Variants in LIPC observed in about 807,000 individuals in gnomAD.
LIPC encodes lipase C, hepatic type.
A neutral mutation model predicts 50.7 loss-of-function variants in LIPC; 44 were observed. The ratio of observed to expected loss-of-function variants is 0.87; its 90% CI spans 0.68 to 1.11. The LOEUF (loss-of-function observed/expected upper bound fraction) is 1.11. Ranked by LOEUF, LIPC falls within the 50% of genes most tolerant of loss-of-function variation. The probability of loss-of-function intolerance (pLI) is 0.00; values close to 1 mark genes in which losing one functional copy is unlikely to be tolerated. For missense variants in LIPC, 697 were observed against 648.2 expected, an observed-to-expected ratio of 1.08 and a Z score of -0.82; for synonymous variants, 271 against 256.4, an observed-to-expected ratio of 1.06 and a Z score of -0.54.
At chr15:58,441,786 T>G (rs1893516519) in intron 1 of LIPC, among the ~76,000 whole-genome samples, 1 of 152,222 alleles carries the variant, frequency 6.6e-6, no homozygotes, top group African/African-American at 2.4e-5. Flanking sequence ...GATGGGAAGA[T>G]GAAAACAGGG....
At chr15:58,542,672 A>C in intron 4 of LIPC, 21 bp downstream of exon 4, 84 of 1,499,986 alleles carry the variant, frequency 5.6e-5, no homozygotes, top group South Asian at 7.9e-5. Context: ...CTAATAACTC[A>C]CACACTGATC....
At chr15:58,558,266 T>C (rs1894027492) in intron 6 of LIPC, among the ~76,000 whole-genome samples, 1 of 151,208 alleles carries the variant, frequency 6.6e-6, no homozygotes, top group African/African-American at 2.4e-5. Context: ...AGAGACGGGG[T>C]TTCACCATGT....
intron 1 of LIPC, among the ~76,000 whole-genome samples, chr15:58,451,219 G>C (rs1266964425): frequency 6.6e-6 from 1 of 152,196 alleles, no homozygotes; most frequent in African/African-American, 2.4e-5. Context: ...AGGTAGAGCA[G>C]TGGGGTGGAG....
chr15:58,451,111 G>T (rs1171634315), intron 1 of LIPC, among the ~76,000 whole-genome samples: 13 of 152,172 alleles, frequency 8.5e-5, no homozygotes, highest in African/African-American at 2.7e-4. Context: ...GCAATCGGTT[G>T]GGATTCATTA....
intron 1 of LIPC, among the ~76,000 whole-genome samples, chr15:58,470,427 A>T (rs1274987811): frequency 2.6e-5 from 4 of 152,126 alleles, no homozygotes; most frequent in African/African-American, 9.7e-5. Context: ...TTTTTATAAA[A>T]TTTTAAATAA....
chr15:58,445,804 T>C (rs1410283436), intron 1 of LIPC, among the ~76,000 whole-genome samples: 3 of 152,344 alleles, frequency 2.0e-5, no homozygotes, highest in African/African-American at 7.2e-5. Flanking sequence ...TGGGCTGTTT[T>C]GAGGGTGAAA....
intron 1 of LIPC, among the ~76,000 whole-genome samples, chr15:58,512,134 G>A (rs1892348981): frequency 6.9e-6 from 1 of 145,278 alleles, no homozygotes; most frequent in Admixed American, 6.9e-5. Context: ...GTCTCAATCT[G>A]TTGCCCCAGG....
At chr15:58,490,467 C>A (rs1397750088) in intron 1 of LIPC, among the ~76,000 whole-genome samples, 3 of 152,200 alleles carry the variant, frequency 2.0e-5, no homozygotes, top group African/African-American at 2.4e-5. Flanking sequence ...ACATTTGGCC[C>A]TGCTGCTCCA....
chr15:58,566,055 C>G (rs1894355587), intron 8 of LIPC: 2 of 982,272 alleles, frequency 2.0e-6, no homozygotes, highest in Non-Finnish European at 2.4e-6. Flanking sequence ...TACAAAGCAT[C>G]TGGGAATCAT....
chr15:58,477,656 A>C (rs1263591303), intron 1 of LIPC, among the ~76,000 whole-genome samples: 2 of 152,168 alleles, frequency 1.3e-5, no homozygotes, highest in East Asian at 1.9e-4. Context: ...TCTGTCCTCC[A>C]TTGGAAGCTC....
At chr15:58,441,089 T>C (rs1893492726) in intron 1 of LIPC, among the ~76,000 whole-genome samples, 2 of 152,176 alleles carry the variant, frequency 1.3e-5, no homozygotes, top group South Asian at 4.1e-4. Context: ...CACTCCCTGA[T>C]AGAGAACAAG....
intron 1 of LIPC, among the ~76,000 whole-genome samples, chr15:58,464,285 C>T (rs1238031745): frequency 1.3e-5 from 2 of 152,084 alleles, no homozygotes; most frequent in African/African-American, 2.4e-5. Context: ...AACGCAGGTG[C>T]GATGGACACC....
chr15:58,463,902 T>A (rs1260966362), intron 1 of LIPC, among the ~76,000 whole-genome samples: 1 of 152,208 alleles, frequency 6.6e-6, no homozygotes, highest in Admixed American at 6.5e-5. Context: ...ATGTCTGATA[T>A]TAAACACTTC....
At chr15:58,532,643 A>G (rs1892994277) in intron 1 of LIPC, among the ~76,000 whole-genome samples, 1 of 152,296 alleles carries the variant, frequency 6.6e-6, no homozygotes, top group Admixed American at 6.5e-5. Context: ...AATACATGGA[A>G]AGGGCTCAAC....
At chr15:58,460,806 C>T (rs1175672112) in intron 1 of LIPC, among the ~76,000 whole-genome samples, 1 of 152,202 alleles carries the variant, frequency 6.6e-6, no homozygotes, top group Non-Finnish European at 1.5e-5. Flanking sequence ...AGTCAGGAGA[C>T]CCAGAGCTCA....
In LIPC at chr15:58,489,217, CG is replaced by C. The variant is rs59532809; in HGVS notation, c.89-49111del. Among the ~76,000 whole-genome samples the C allele has an allele frequency of 4.2e-4, 7 of 16,570 alleles. 2 individuals are homozygous for C. Among genetic ancestry groups the C allele is most frequent in the Admixed American group, 2.0e-3 (4 of 1,952 alleles). 10.9% of individuals were successfully genotyped at this position (16,570 alleles called of 152,430 possible). A position where few individuals can be genotyped will look rare whatever the true frequency, so the allele number is the denominator to read the frequency against. ...CAACCATTAGGGATTCATTTTGTTG[CG>C]GGGGCGGGGGGGCGGCTTACAAGCT... On this transcript the variant is annotated intron_variant, in intron 1 of 8. Coordinates refer to ENST00000299022, the MANE Select transcript of LIPC (RefSeq NM_000236.3).
intron 1 of LIPC, among the ~76,000 whole-genome samples, chr15:58,519,394 C>T (rs1239143270): frequency 4.6e-5 from 6 of 129,940 alleles, no homozygotes; most frequent in African/African-American, 1.7e-4. Flanking sequence ...CTGGGTGACA[C>T]AGAGAGACTC....
At chr15:58,488,360 A>C (rs1273650238) in intron 1 of LIPC, among the ~76,000 whole-genome samples, 2 of 152,194 alleles carry the variant, frequency 1.3e-5, no homozygotes, top group East Asian at 3.8e-4. Flanking sequence ...ACTGAACTAC[A>C]TGGAGGCACA....
intron 1 of LIPC, among the ~76,000 whole-genome samples, chr15:58,491,478 C>G (rs981509276): frequency 3.9e-5 from 6 of 152,186 alleles, no homozygotes; most frequent in Non-Finnish European, 7.3e-5. Context: ...TGGCAGACTA[C>G]TTAAAACAAT....
Sources: allele counts gnomAD v4.1 joint callset (sites outside exome capture counted in the v4.1 genomes callset), GRCh38; gene constraint gnomAD v4.1.1; transcripts MANE v1.5; gene names NCBI Gene and HGNC (gene_info 2026-07-23, HGNC 2026-07-21).